ADCY10: variants seen among roughly 807,000 people sequenced by gnomAD.
ADCY10 encodes the protein adenylate cyclase 10, also known as adenylate cyclase type 10.
ADCY10 carries 156 observed loss-of-function variants against 183.3 expected under a neutral mutation model. That is an observed-to-expected ratio of 0.85 (90% confidence interval 0.75 to 0.97). The LOEUF is 0.97. ADCY10 is among the 50% of genes least tolerant of loss of function. The probability of loss-of-function intolerance (pLI) is 0.00; values close to 1 mark genes in which losing one functional copy is unlikely to be tolerated. For missense variants in ADCY10, 1,745 were observed against 1,934.3 expected, an observed-to-expected ratio of 0.90 and a Z score of 1.84; for synonymous variants, 645 against 670.0, an observed-to-expected ratio of 0.96 and a Z score of 0.58.
chr1:167,882,135 C>T (rs1002212616), intron 9 of ADCY10, among the ~76,000 whole-genome samples: 17 of 152,314 alleles, frequency 1.1e-4, no homozygotes, highest in Middle Eastern at 3.4e-3. Flanking sequence ...AATCAATTCT[C>T]ACATATGCAT....
intron 18 of ADCY10, among the ~76,000 whole-genome samples, chr1:167,850,697 G>GTA (rs1553267958): frequency 0.096 from 13,589 of 142,288 alleles, 917 homozygotes; most frequent in Middle Eastern, 0.18. Flanking sequence ...GTGTGTGTGT[G>GTA]TGTGTGTGTG....
intron 31 of ADCY10, among the ~76,000 whole-genome samples, chr1:167,817,209 A>G (rs1662584362): frequency 6.6e-6 from 1 of 152,176 alleles, no homozygotes; most frequent in Non-Finnish European, 1.5e-5. Flanking sequence ...TACTAAAAAT[A>G]CAAAAATTAG....
intron 14 of ADCY10, among the ~76,000 whole-genome samples, chr1:167,866,224 A>G (rs1666671304): frequency 6.6e-6 from 1 of 152,182 alleles, no homozygotes; most frequent in Non-Finnish European, 1.5e-5. Flanking sequence ...CATTTCATCA[A>G]CAAGAGGGAG....
intron 13 of ADCY10, among the ~76,000 whole-genome samples, chr1:167,871,674 G>A (rs2102161937): frequency 6.6e-6 from 1 of 152,292 alleles, no homozygotes; most frequent in African/African-American, 2.4e-5. Flanking sequence ...AAATATCCAG[G>A]TATTATCTAA....
chr1:167,833,677 G>A (rs1663959948), intron 24 of ADCY10, among the ~76,000 whole-genome samples: 3 of 151,120 alleles, frequency 2.0e-5, no homozygotes, highest in Admixed American at 1.3e-4. Flanking sequence ...CCCAGGAGAC[G>A]GAATTTGCAG....
chr1:167,883,973 G>C (rs1019837055), intron 8 of ADCY10, among the ~76,000 whole-genome samples: 3 of 152,054 alleles, frequency 2.0e-5, no homozygotes, highest in Admixed American at 6.6e-5. Context: ...TTTAATTTTT[G>C]TAGGTCTATA....
At position 167,833,970 on chromosome 1, in the gene ADCY10, C is replaced by G; in HGVS notation, c.3417G>C (p.Glu1139Asp). The G allele has an allele frequency of 1.2e-6, 2 of 1,612,154 alleles. No individual in the cohort carries two copies. The highest frequency in any genetic ancestry group is 1.7e-6 in the Non-Finnish European group (2 of 1,178,340). ...ESATFYSLKG[E>D]VCFNMGQIVL... ...ATTCAAGTCTTTAATGGTTTCTTAC[C>G]TCACCTTTGAGGCTGTAAAAGGTGG... is the stretch of plus-strand genomic sequence containing the variant. The change falls in exon 24 of 33, where the codon GAG becomes GAC. Residue 1139 changes from glutamate (E) to aspartate (D), a missense_variant and splice_region_variant. Transcript: ENST00000367851.
chr1:167,853,830 C>CTTTTTTTTTTTTTTT lies in ADCY10; in HGVS notation c.2308+508_2308+522dup, dbSNP rs538462140. ...TGTTCTTTCATTTCTACTATAGTTA[C>CTTTTTTTTTTTTTTT]TTTTTTTTTTTTTTTTTTTTTTTTT... On this transcript the variant is annotated intron_variant, in intron 18 of 32. Transcript: ENST00000367851. 1.1e-3 allele frequency among the ~76,000 whole-genome samples: 84 copies of CTTTTTTTTTTTTTTT among 77,186 alleles called. 11 individuals are homozygous for CTTTTTTTTTTTTTTT. The highest frequency in any genetic ancestry group is 2.2e-3 in the African/African-American group (39 of 18,132). The allele number at this position is 77,186 out of a possible 152,430, so 50.6% of individuals were successfully genotyped here.
At chr1:167,907,139 G>A (rs1245532841) in intron 1 of ADCY10, among the ~76,000 whole-genome samples, 7 of 152,132 alleles carry the variant, frequency 4.6e-5, no homozygotes, top group Non-Finnish European at 8.8e-5. Flanking sequence ...GAACTGACAG[G>A]TGTAATGTCA....
chr1:167,843,923 T>C (rs1664827617), intron 21 of ADCY10, among the ~76,000 whole-genome samples: 1 of 152,186 alleles, frequency 6.6e-6, no homozygotes, highest in Non-Finnish European at 1.5e-5. Flanking sequence ...CTCTACATCC[T>C]CTTCCTCATT....
chr1:167,906,157 G>C (rs773346468), intron 1 of ADCY10, among the ~76,000 whole-genome samples: 1 of 151,768 alleles, frequency 6.6e-6, no homozygotes, highest in African/African-American at 2.4e-5. Context: ...AGATTTAAGG[G>C]GAAGTATTTA....
intron 1 of ADCY10, among the ~76,000 whole-genome samples, chr1:167,906,366 A>T (rs970367242): frequency 7.0e-6 from 1 of 143,632 alleles, no homozygotes; most frequent in East Asian, 2.0e-4. Context: ...ACTAAGGTTT[A>T]AAAAAAAAAA....
At chr1:167,824,430 T>G (rs1408386374) in intron 28 of ADCY10, 46 bp downstream of exon 28, 9 of 1,511,744 alleles carry the variant, frequency 6.0e-6, no homozygotes, top group Admixed American at 3.3e-5. Context: ...TACTCAATAA[T>G]ACGGCCTCCT....
chr1:167,878,742 G>C (rs1367684127), intron 11 of ADCY10, 107 bp from the exon 12 acceptor site: 4 of 1,138,130 alleles, frequency 3.5e-6, no homozygotes, highest in Non-Finnish European at 5.2e-6. Flanking sequence ...TACTCCCTTT[G>C]CTGTTCATGA....
chr1:167,880,460 A>G (rs1667795281), intron 10 of ADCY10, 31 bp downstream of exon 10: 1 of 1,520,530 alleles, frequency 6.6e-7, no homozygotes, highest in African/African-American at 1.4e-5. Flanking sequence ...AGGGTCAGGG[A>G]CCGCTGGGTG....
chr1:167,891,607 G>A (rs954164462), intron 8 of ADCY10, among the ~76,000 whole-genome samples: 15 of 148,406 alleles, frequency 1.0e-4, no homozygotes, highest in African/African-American at 3.8e-4. Context: ...AGTGAGCCAA[G>A]ATTGCGCCAC....
chr1:167,827,892 T>G (rs1016268659), intron 26 of ADCY10, among the ~76,000 whole-genome samples: 1 of 151,930 alleles, frequency 6.6e-6, no homozygotes, highest in Non-Finnish European at 1.5e-5. Flanking sequence ...TTTTGTATTT[T>G]TAGTAAAGAT....
chr1:167,907,596 A>C (rs1458063203), intron 1 of ADCY10, among the ~76,000 whole-genome samples: 1 of 152,146 alleles, frequency 6.6e-6, no homozygotes, highest in Non-Finnish European at 1.5e-5. Flanking sequence ...AGGGAAGTGC[A>C]CTCCTACCAT....
rs147785944 is a variant in ADCY10, at chr1:167,880,599, A to G, written c.1031T>C (p.Phe344Ser). 6.2e-7 allele frequency: 1 copy of G among 1,612,954 alleles called. No individual in the cohort carries two copies. The highest frequency in any genetic ancestry group is 8.5e-7 in the Non-Finnish European group (1 of 1,178,910). Residue 344 changes from phenylalanine (F) to serine (S), a missense_variant, in exon 10 of 33, where the codon TTC (phenylalanine) becomes TCC (serine). Phe to Ser is a radical substitution (Grantham distance 155). Coordinates refer to ENST00000367851, the MANE Select transcript of ADCY10 (RefSeq NM_018417.6). Reference sequence around the variant, plus strand: ...CCCAGGGAAGCCAAAGACACAGAGGAAAGAGCAGCCCTGTGAGGGAGAGAG... The same window carrying G: ...CCCAGGGAAGCCAAAGACACAGAGGGAAGAGCAGCCCTGTGAGGGAGAGAG... ...KVFMFDKGCS[F>S]LCVFGFPGEK...
Sources: gnomAD v4.1 joint callset for allele counts (sites outside exome capture counted in the v4.1 genomes callset) on GRCh38, gnomAD v4.1.1 for gene constraint, MANE v1.5 for transcripts, NCBI Gene and HGNC (gene_info 2026-07-23, HGNC 2026-07-21) for gene names.